PTPRG: variants seen among roughly 807,000 people sequenced by gnomAD.
PTPRG encodes receptor-type tyrosine-protein phosphatase gamma.
A neutral mutation model predicts 165.3 loss-of-function variants in PTPRG; 102 were observed. The observed-to-expected ratio is 0.62, with a 90% CI of 0.53 to 0.73. PTPRG has a LOEUF of 0.73. PTPRG is among the 30% of genes least tolerant of loss of function. The probability of loss-of-function intolerance (pLI) is 0.00; values close to 1 mark genes in which losing one functional copy is unlikely to be tolerated. For missense variants in PTPRG, 1,866 were observed against 1,861.4 expected, an observed-to-expected ratio of 1.00 and a Z score of -0.05; for synonymous variants, 675 against 669.5, an observed-to-expected ratio of 1.01 and a Z score of -0.13.
intron 2 of PTPRG, among the ~76,000 whole-genome samples, chr3:61,837,970 C>T (rs932873943): frequency 1.3e-5 from 2 of 152,190 alleles, no homozygotes; most frequent in Non-Finnish European, 2.9e-5. Context: ...CTTAATGGAT[C>T]AGGCCCCCGA....
chr3:62,191,274 G>A (rs552561193), intron 8 of PTPRG, among the ~76,000 whole-genome samples, 195 bp from the exon 9 acceptor site: 20 of 150,036 alleles, frequency 1.3e-4, no homozygotes, highest in Non-Finnish European at 2.5e-4. Flanking sequence ...TCCCGTGCAC[G>A]TGTGTGTGAG....
chr3:62,098,383 A>G lies in PTPRG; in HGVS notation c.615+20125A>G, dbSNP rs1402373872. Among the ~76,000 whole-genome samples the G allele has an allele frequency of 2.0e-5, 3 of 152,380 alleles. No homozygotes were observed. In the East Asian group the frequency reaches 5.8e-4, roughly 29 times the overall value. ...AGTTAAAGTAAGCAAGAAGATGAGT[A>G]TAGGCTGTATGGAAATACTACACCA... On this transcript the variant is annotated intron_variant, in intron 5 of 29. Transcript: ENST00000474889.
chr3:61,900,093 C>T (rs2038460477), intron 2 of PTPRG, among the ~76,000 whole-genome samples: 1 of 151,698 alleles, frequency 6.6e-6, no homozygotes, highest in Non-Finnish European at 1.5e-5. Context: ...TTGAGTGCAT[C>T]AGCTCAAATT....
intron 1 of PTPRG, among the ~76,000 whole-genome samples, chr3:61,671,138 C>CTTTTCTTTTT (rs1246896291): frequency 4.8e-5 from 6 of 124,996 alleles, no homozygotes; most frequent in African/African-American, 1.8e-4. Flanking sequence ...TATGAACTTT[C>CTTTTCTTTTT]TTTTTTTTTT....
At chr3:62,112,787 G>C (rs931492630) in intron 5 of PTPRG, among the ~76,000 whole-genome samples, 1 of 152,172 alleles carries the variant, frequency 6.6e-6, no homozygotes, top group African/African-American at 2.4e-5. Flanking sequence ...ATGTATGTAC[G>C]TTCGTGTCTG....
chr3:61,688,702 A>T (rs35927006), intron 1 of PTPRG, among the ~76,000 whole-genome samples: 12 of 152,230 alleles, frequency 7.9e-5, no homozygotes, highest in African/African-American at 2.7e-4. Flanking sequence ...TGCAAAATTC[A>T]ATAGTCAGTA....
chr3:62,236,724 ACAAT>A (rs1260607473), intron 14 of PTPRG, among the ~76,000 whole-genome samples: 1 of 152,158 alleles, frequency 6.6e-6, no homozygotes, highest in African/African-American at 2.4e-5. Flanking sequence ...CTATATACCA[ACAAT>A]CAGTTAGTTC....
chr3:62,121,067 C>T (rs9825988), intron 5 of PTPRG, among the ~76,000 whole-genome samples: 16,615 of 151,372 alleles, frequency 0.11, 963 homozygotes, highest in South Asian at 0.12. Flanking sequence ...GCCTCAGCCT[C>T]CCGAGTAGCT....
intron 5 of PTPRG, among the ~76,000 whole-genome samples, chr3:62,108,085 G>T (rs999540101): frequency 1.1e-4 from 16 of 150,808 alleles, no homozygotes; most frequent in Non-Finnish European, 2.2e-4. Context: ...TGGGTTACAT[G>T]TGCAGAATGT....
Position 61,743,576 on chromosome 3 carries a change from G to C in PTPRG, c.86-5302G>C, listed in dbSNP as rs73107170. On this transcript the variant is annotated intron_variant, in intron 1 of 29. Transcript: ENST00000474889. The stretch of plus-strand genomic sequence containing the variant: ...TCTTTGAGGAGGAGAATGCAGCAAT[G>C]TACAGCATATACTGCTGGGCTTCTC... Among the ~76,000 whole-genome samples, 982 of 152,248 alleles carry C rather than the reference G, an allele frequency of 6.5e-3. 6 individuals are homozygous for C. The highest frequency in any genetic ancestry group is 0.011 in the Admixed American group (173 of 15,292).
chr3:61,796,314 T>C (rs2035042507), intron 2 of PTPRG, among the ~76,000 whole-genome samples: 2 of 152,136 alleles, frequency 1.3e-5, no homozygotes, highest in South Asian at 4.1e-4. Flanking sequence ...GAAAAGGAGA[T>C]TGTAGAAACT....
At chr3:61,858,894 C>A (rs925577322) in intron 2 of PTPRG, among the ~76,000 whole-genome samples, 1 of 152,282 alleles carries the variant, frequency 6.6e-6, no homozygotes, top group Non-Finnish European at 1.5e-5. Flanking sequence ...TTAATAAACT[C>A]TCTGCCCATA....
intron 2 of PTPRG, among the ~76,000 whole-genome samples, chr3:61,856,905 A>G (rs1309669370): frequency 6.6e-6 from 1 of 152,176 alleles, no homozygotes; most frequent in Non-Finnish European, 1.5e-5. Context: ...AAAGTCACAT[A>G]AGCAGTACTG....
chr3:61,699,026 G>A (rs111992350), intron 1 of PTPRG, among the ~76,000 whole-genome samples: 3 of 152,056 alleles, frequency 2.0e-5, no homozygotes, highest in East Asian at 1.9e-4. Flanking sequence ...GCTGTGGGGT[G>A]GGGGGAGCGG....
chr3:62,077,730 G>T (rs986231797), intron 4 of PTPRG, among the ~76,000 whole-genome samples: 3 of 152,148 alleles, frequency 2.0e-5, no homozygotes, highest in Non-Finnish European at 1.5e-5. Context: ...AGGGCCGGGT[G>T]TGGTGGCTCA....
intron 2 of PTPRG, among the ~76,000 whole-genome samples, chr3:61,981,269 A>G (rs538001288): frequency 6.6e-6 from 1 of 152,320 alleles, no homozygotes; most frequent in Non-Finnish European, 1.5e-5. Flanking sequence ...TCCATGACAC[A>G]TGGAGATTAT....
chr3:61,921,297 C>T (rs895021625), intron 2 of PTPRG, among the ~76,000 whole-genome samples: 1 of 151,954 alleles, frequency 6.6e-6, no homozygotes, highest in South Asian at 2.1e-4. Flanking sequence ...CTGTTGAAAA[C>T]AAAATGATGA....
chr3:61,861,127 T>C (rs960803831), intron 2 of PTPRG, among the ~76,000 whole-genome samples: 45 of 152,234 alleles, frequency 3.0e-4, no homozygotes, highest in African/African-American at 9.9e-4. Flanking sequence ...GTTGAAGATA[T>C]CAATCATTGG....
Position 61,816,489 on chromosome 3 carries a change from G to A in PTPRG, c.190+67507G>A, listed in dbSNP as rs566947218. Among the ~76,000 whole-genome samples, 3 of 152,220 alleles carry A rather than the reference G, an allele frequency of 2.0e-5. No individual in the cohort carries two copies. The South Asian group carries it at 6.2e-4, about 32-fold the overall frequency. ...GGAGGTTGCAGTGAGCCAGGATTGC[G>A]CCACTGCACTCCAGCTTGGGTGACA... On this transcript the variant is annotated intron_variant, in intron 2 of 29. Coordinates refer to ENST00000474889, the MANE Select transcript of PTPRG (RefSeq NM_002841.4).
Sources: allele counts gnomAD v4.1 joint callset (sites outside exome capture counted in the v4.1 genomes callset), GRCh38; gene constraint gnomAD v4.1.1; transcripts MANE v1.5; gene names NCBI Gene and HGNC (gene_info 2026-07-23, HGNC 2026-07-21).